Variants in CDC14A observed in about 807,000 individuals in gnomAD.
CDC14A encodes cell division cycle 14A.
CDC14A carries 53 observed loss-of-function variants against 74.4 expected under a neutral mutation model. The ratio of observed to expected loss-of-function variants is 0.71; its 90% CI spans 0.57 to 0.89. The LOEUF (loss-of-function observed/expected upper bound fraction) is 0.89. Among genes scored for constraint, CDC14A ranks in the 40% least tolerant of loss-of-function variants. CDC14A has a pLI of 0.00. For synonymous variants in CDC14A, 247 were observed against 258.4 expected (o/e 0.96, Z 0.43); for missense variants, 646 against 713.7 (o/e 0.91, Z 1.08).
chr1:100,428,471 C>A (rs1663213555), intron 5 of CDC14A, among the ~76,000 whole-genome samples: 1 of 152,132 alleles, frequency 6.6e-6, no homozygotes, highest in Non-Finnish European at 1.5e-5. Flanking sequence ...AACAAGAGGC[C>A]TTTCAGTTCT....
chr1:100,444,309 A>G (rs768053007), intron 7 of CDC14A, among the ~76,000 whole-genome samples: 1 of 151,952 alleles, frequency 6.6e-6, no homozygotes, highest in African/African-American at 2.4e-5. Flanking sequence ...TTTCATTTTA[A>G]TAGTTCTCTA....
At chr1:100,469,291 C>T (rs1668156194) in intron 10 of CDC14A, among the ~76,000 whole-genome samples, 1 of 152,138 alleles carries the variant, frequency 6.6e-6, no homozygotes. Context: ...GAGGTAATAA[C>T]TGATTAAGAA....
At chr1:100,456,751 G>A (rs909319109) in intron 8 of CDC14A, among the ~76,000 whole-genome samples, 3 of 151,976 alleles carry the variant, frequency 2.0e-5, no homozygotes, top group Admixed American at 6.6e-5. Context: ...TCATAAATAT[G>A]CTTATCATTT....
intron 5 of CDC14A, among the ~76,000 whole-genome samples, chr1:100,438,426 G>A (rs1443350521): frequency 2.0e-5 from 3 of 152,068 alleles, no homozygotes; most frequent in African/African-American, 7.2e-5. Context: ...TGTCTGCAAA[G>A]GAATTTATGG....
intron 7 of CDC14A, 70 bp from the exon 8 acceptor site, chr1:100,455,335 G>A (rs545658530): frequency 1.6e-5 from 16 of 1,005,284 alleles, no homozygotes; most frequent in Non-Finnish European, 2.4e-5. Flanking sequence ...AGTTTTATTT[G>A]TAAGGGTTTC....
At chr1:100,498,050 T>C in intron 13 of CDC14A, 35 bp from the exon 14 acceptor site, 1 of 1,600,640 alleles carries the variant, frequency 6.2e-7, no homozygotes. Flanking sequence ...ATAAGACTAC[T>C]TTATTGTGAC....
At chr1:100,429,026 C>A (rs1185905497) in intron 5 of CDC14A, among the ~76,000 whole-genome samples, 1 of 151,680 alleles carries the variant, frequency 6.6e-6, no homozygotes, top group Non-Finnish European at 1.5e-5. Context: ...CAAAGTGAAA[C>A]CCTGTCTCTA....
intron 4 of CDC14A, among the ~76,000 whole-genome samples, chr1:100,401,523 A>G (rs1257672084): frequency 2.0e-5 from 3 of 152,198 alleles, no homozygotes; most frequent in Non-Finnish European, 2.9e-5. Flanking sequence ...ACTGAGTAAA[A>G]CAAAGTGTGT....
intron 3 of CDC14A, among the ~76,000 whole-genome samples, chr1:100,386,143 G>A (rs1338306470): frequency 9.2e-5 from 14 of 151,914 alleles, no homozygotes; most frequent in African/African-American, 3.4e-4. Flanking sequence ...TTCCAGCCTG[G>A]GTGACAGAGT....
rs764156762 is a variant in CDC14A, at chr1:100,484,263, C to T, written c.978-29C>T. 4.1e-5 allele frequency: 56 copies of T among 1,352,206 alleles called. No individual in the cohort carries two copies. In the East Asian group the frequency reaches 7.2e-4, roughly 17 times the overall value. 83.8% of individuals were successfully genotyped at this position (1,352,206 alleles called of 1,614,324 possible). On this transcript the variant is annotated intron_variant, in intron 10 of 15. Transcript: ENST00000336454. ...TGTTTTAAAGATAACTTTTTCTTGT[C>T]GTTTTGTTTTGTTTTGTTTTTTATA...
At chr1:100,356,858 TAA>T (rs11448846) in intron 2 of CDC14A, among the ~76,000 whole-genome samples, 6 of 70,776 alleles carry the variant, frequency 8.5e-5, no homozygotes, top group Admixed American at 3.4e-4. Flanking sequence ...AGACTCTGTC[TAA>T]AAAAAAAAAA....
intron 5 of CDC14A, among the ~76,000 whole-genome samples, chr1:100,426,461 A>G (rs778670392): frequency 1.3e-5 from 2 of 152,202 alleles, no homozygotes; most frequent in African/African-American, 2.4e-5. Context: ...AAAAGATAGT[A>G]AGATAATTAA....
At chr1:100,350,298 G>A (rs1650829535), upstream of CDC14A, among the ~76,000 whole-genome samples, 1 of 152,094 alleles carries the variant, frequency 6.6e-6, no homozygotes, top group Non-Finnish European at 1.5e-5. Context: ...TCGCCATGTT[G>A]GCCAGGATGG....
At chr1:100,393,356 T>C (rs1019594153) in intron 4 of CDC14A, 5 of 916,010 alleles carry the variant, frequency 5.5e-6, no homozygotes, top group Non-Finnish European at 9.2e-6. Flanking sequence ...TTGTAACTGC[T>C]TGATGCTCTA....
At chr1:100,483,573 T>G (rs1285480066) in intron 10 of CDC14A, among the ~76,000 whole-genome samples, 1 of 152,184 alleles carries the variant, frequency 6.6e-6, no homozygotes, top group Non-Finnish European at 1.5e-5. Flanking sequence ...ATAGTTTATC[T>G]TATAGGAAAT....
chr1:100,415,513 C>A (rs561435883), intron 4 of CDC14A, among the ~76,000 whole-genome samples: 1 of 152,284 alleles, frequency 6.6e-6, no homozygotes, highest in East Asian at 1.9e-4. Context: ...ATTAGCCTTG[C>A]CTCCATATTT....
At chr1:100,351,675 A>G (rs991254362), upstream of CDC14A, 2 of 1,416,412 alleles carry the variant, frequency 1.4e-6, no homozygotes, top group African/African-American at 2.8e-5. Flanking sequence ...CCCCTCCGGG[A>G]CCGGAGCACT....
chr1:100,415,932 G>A (rs1329021317), intron 4 of CDC14A, among the ~76,000 whole-genome samples: 2 of 152,100 alleles, frequency 1.3e-5, no homozygotes, highest in Non-Finnish European at 2.9e-5. Flanking sequence ...TGGATATAAT[G>A]GGAGGAAATG....
intron 2 of CDC14A, among the ~76,000 whole-genome samples, chr1:100,357,542 G>T (rs1462546829): frequency 2.6e-5 from 4 of 152,102 alleles, no homozygotes; most frequent in East Asian, 3.8e-4. Context: ...CTGAGGAGAA[G>T]AATATATTTA....
Sources: gnomAD v4.1 joint callset for allele counts (sites outside exome capture counted in the v4.1 genomes callset) on GRCh38, gnomAD v4.1.1 for gene constraint, MANE v1.5 for transcripts, NCBI Gene and HGNC (gene_info 2026-07-23, HGNC 2026-07-21) for gene names.